Variants in RALYL observed in about 807,000 individuals in gnomAD.
RALYL encodes the protein RNA-binding Raly-like protein.
A neutral mutation model predicts 35.1 loss-of-function variants in RALYL; 29 were observed. That is an observed-to-expected ratio of 0.83 (90% CI 0.61 to 1.13). The LOEUF (loss-of-function observed/expected upper bound fraction) is 1.13. Among genes scored for constraint, RALYL ranks in the 50% most tolerant of loss-of-function variants. RALYL has a pLI of 0.00. For synonymous variants in RALYL, 120 were observed against 127.6 expected (o/e 0.94, Z 0.40); for missense variants, 359 against 360.4 (o/e 1.00, Z 0.03).
At chr8:84,455,540 A>G (rs1449731169) in intron 1 of RALYL, among the ~76,000 whole-genome samples, 2 of 152,032 alleles carry the variant, frequency 1.3e-5, no homozygotes, top group Non-Finnish European at 2.9e-5. Flanking sequence ...TTTCTATAGG[A>G]TTCTGTTTTC....
chr8:84,776,667 T>G (rs184565982), intron 3 of RALYL, among the ~76,000 whole-genome samples: 1 of 152,192 alleles, frequency 6.6e-6, no homozygotes, highest in Admixed American at 6.5e-5. Context: ...GGCTTTTTTT[T>G]ATCATCAAAG....
intron 2 of RALYL, among the ~76,000 whole-genome samples, chr8:84,771,430 C>T (rs1815495293): frequency 1.3e-5 from 2 of 152,054 alleles, no homozygotes; most frequent in South Asian, 4.1e-4. Context: ...CTTCCTGGAT[C>T]ACAGAGTTTG....
At chr8:84,413,645 A>G (rs565814804) in intron 1 of RALYL, among the ~76,000 whole-genome samples, 1 of 152,216 alleles carries the variant, frequency 6.6e-6, no homozygotes, top group South Asian at 2.1e-4. Flanking sequence ...ATTTTCAATT[A>G]GAACATCCAT....
chr8:84,466,752 G>A (rs879557878), intron 1 of RALYL, among the ~76,000 whole-genome samples: 2,245 of 147,388 alleles, frequency 0.015, 29 homozygotes, highest in Non-Finnish European at 0.024. Flanking sequence ...GGTAGAATTC[G>A]GCTGTGAATC....
intron 2 of RALYL, among the ~76,000 whole-genome samples, chr8:84,650,832 A>T (rs1828621080): frequency 6.6e-6 from 1 of 152,064 alleles, no homozygotes; most frequent in Non-Finnish European, 1.5e-5. Context: ...CAAATGTCCA[A>T]CAATGATAGA....
At chr8:84,557,211 C>G (rs777147725) in intron 2 of RALYL, among the ~76,000 whole-genome samples, 1 of 152,260 alleles carries the variant, frequency 6.6e-6, no homozygotes, top group South Asian at 2.1e-4. Flanking sequence ...CACTATGGTA[C>G]GAGATCATAG....
At chr8:84,303,239 T>C (rs1046810916) in intron 1 of RALYL, among the ~76,000 whole-genome samples, 1 of 152,208 alleles carries the variant, frequency 6.6e-6, no homozygotes, top group Non-Finnish European at 1.5e-5. Context: ...ATAGACATAA[T>C]GTGTAGTTGT....
chr8:84,842,377 A>G (rs1833616871), intron 4 of RALYL, among the ~76,000 whole-genome samples: 1 of 152,246 alleles, frequency 6.6e-6, no homozygotes, highest in Non-Finnish European at 1.5e-5. Flanking sequence ...GAAGAAACGG[A>G]TAAATTCCTC....
intron 1 of RALYL, among the ~76,000 whole-genome samples, chr8:84,387,293 G>T (rs757610093): frequency 6.6e-6 from 1 of 151,654 alleles, no homozygotes; most frequent in Non-Finnish European, 1.5e-5. Context: ...TGAACTCACC[G>T]CCAAAAAGCA....
At chr8:84,815,277 C>T (rs763181029) in intron 4 of RALYL, among the ~76,000 whole-genome samples, 5 of 151,422 alleles carry the variant, frequency 3.3e-5, no homozygotes, top group African/African-American at 1.2e-4. Flanking sequence ...TCATCTTAGA[C>T]CTAAGGCTGG....
intron 1 of RALYL, among the ~76,000 whole-genome samples, chr8:84,463,924 T>A (rs999954209): frequency 4.6e-5 from 7 of 152,028 alleles, no homozygotes; most frequent in African/African-American, 1.7e-4. Flanking sequence ...CAACCACTGG[T>A]CTGCTTTGTA....
intron 8 of RALYL, among the ~76,000 whole-genome samples, chr8:84,888,418 G>A (rs1843260811): frequency 6.6e-6 from 1 of 152,150 alleles, no homozygotes; most frequent in Non-Finnish European, 1.5e-5. Flanking sequence ...AATGTATGCT[G>A]ATGAGGATGT....
At chr8:84,627,720 T>C (rs915820185) in intron 2 of RALYL, among the ~76,000 whole-genome samples, 2 of 151,918 alleles carry the variant, frequency 1.3e-5, no homozygotes, top group African/African-American at 2.4e-5. Context: ...ATAGATAAAA[T>C]TGAATTATTG....
At chr8:84,339,607 T>G (rs73294905) in intron 1 of RALYL, among the ~76,000 whole-genome samples, 1 of 151,908 alleles carries the variant, frequency 6.6e-6, no homozygotes, top group Admixed American at 6.6e-5. Flanking sequence ...GTACAACACA[T>G]GTAATGTTCT....
intron 1 of RALYL, among the ~76,000 whole-genome samples, chr8:84,448,644 G>A (rs1252257230): frequency 6.6e-6 from 1 of 151,950 alleles, no homozygotes; most frequent in African/African-American, 2.4e-5. Context: ...CTGAATTGTG[G>A]GATCCTTGAC....
At chr8:84,435,739 C>G (rs2047643295) in intron 1 of RALYL, among the ~76,000 whole-genome samples, 1 of 152,148 alleles carries the variant, frequency 6.6e-6, no homozygotes, top group African/African-American at 2.4e-5. Flanking sequence ...GCCAGCCTCT[C>G]TTTCCTGAAT....
intron 1 of RALYL, among the ~76,000 whole-genome samples, chr8:84,366,763 CAAAAAAAAAAAAAAAAA>C (rs1166208925): frequency 1.8e-5 from 1 of 56,658 alleles, no homozygotes; most frequent in Non-Finnish European, 3.6e-5. Flanking sequence ...ATTTTTGTCT[CAAAAAAAAAAAAAAAAA>C]AAAAAAAAAA....
At chr8:84,789,714 C>T (rs1485948766) in intron 3 of RALYL, among the ~76,000 whole-genome samples, 1 of 151,998 alleles carries the variant, frequency 6.6e-6, no homozygotes, top group African/African-American at 2.4e-5. Context: ...AAAAATTAGT[C>T]GGGTGTGGTC....
chr8:84,786,673 GTTGT>G (rs1206014819), intron 3 of RALYL, among the ~76,000 whole-genome samples: 2 of 152,150 alleles, frequency 1.3e-5, no homozygotes, highest in South Asian at 2.1e-4. Flanking sequence ...TTTTAATAGA[GTTGT>G]TTGTTTTTTT....
Sources: gnomAD v4.1 joint callset for allele counts (sites outside exome capture counted in the v4.1 genomes callset) on GRCh38, gnomAD v4.1.1 for gene constraint, MANE v1.5 for transcripts, NCBI Gene and HGNC (gene_info 2026-07-23, HGNC 2026-07-21) for gene names.